RNF4: variants seen among roughly 807,000 people sequenced by gnomAD.
RNF4 encodes the protein E3 ubiquitin-protein ligase RNF4.
Under a neutral mutation model 24.3 loss-of-function variants are expected in RNF4, and 7 were observed. The ratio of observed to expected loss-of-function variants is 0.29; its 90% CI spans 0.16 to 0.54. The LOEUF (loss-of-function observed/expected upper bound fraction) is 0.54. Among genes scored for constraint, RNF4 ranks in the 20% least tolerant of loss-of-function variants. The pLI, the probability that RNF4 is intolerant of heterozygous loss-of-function variation, is 0.95. For missense variants in RNF4, 209 were observed against 248.5 expected (o/e 0.84, Z 1.07); for synonymous variants, 83 against 84.3 (o/e 0.98, Z 0.09).
intron 4 of RNF4, chr4:2,505,151 A>G (rs1736041038): frequency 6.6e-6 from 1 of 152,102 alleles, no homozygotes; most frequent in Non-Finnish European, 1.5e-5. Flanking sequence ...TGTCTTCACC[A>G]CAAAGCTCCC....
intron 2 of RNF4, among the ~76,000 whole-genome samples, chr4:2,495,640 G>GGT (rs1491319459): frequency 5.4e-4 from 14 of 26,004 alleles, no homozygotes; most frequent in Non-Finnish European, 9.1e-4. Flanking sequence ...TTTTTTTTTT[G>GGT]GGGGGGGGTG....
Position 2,513,836 on chromosome 4 carries a change from C to T in RNF4, c.*17C>T, listed in dbSNP as rs760253504. 1 of 1,613,772 alleles carries T rather than the reference C, an allele frequency of 6.2e-7. No homozygotes were observed. Among genetic ancestry groups the T allele is most frequent in the Admixed American group, 1.7e-5 (1 of 60,024 alleles). On this transcript the variant is annotated 3_prime_UTR_variant, in exon 8 of 8. Transcript: ENST00000314289. ...TATATATGAAGTATTCAGAGCCCCC[C>T]AGGAGAGACGGATGGACAGACAGAC...
At chr4:2,491,808 A>G (rs1252457573) in intron 2 of RNF4, among the ~76,000 whole-genome samples, 1 of 152,040 alleles carries the variant, frequency 6.6e-6, no homozygotes, top group Non-Finnish European at 1.5e-5. Flanking sequence ...ATCATAGCTC[A>G]CTGCAGTCTC....
At chr4:2,473,140 G>A (rs1171992887) in intron 1 of RNF4, among the ~76,000 whole-genome samples, 1 of 151,880 alleles carries the variant, frequency 6.6e-6, no homozygotes, top group Non-Finnish European at 1.5e-5. Context: ...CCAGCACTTT[G>A]GGAGGCTGGG....
chr4:2,475,888 A>C (rs1735055961), intron 1 of RNF4, among the ~76,000 whole-genome samples: 1 of 151,310 alleles, frequency 6.6e-6, no homozygotes, highest in Admixed American at 6.6e-5. Context: ...ACTTCACCCC[A>C]CCCCTGACTC....
chr4:2,491,057 G>A (rs181859833), intron 2 of RNF4, among the ~76,000 whole-genome samples: 1 of 152,254 alleles, frequency 6.6e-6, no homozygotes, highest in Admixed American at 6.5e-5. Context: ...ATTTCGGCAG[G>A]ATGACTGAGT....
At chr4:2,503,991 A>C (rs1048746649) in intron 4 of RNF4, among the ~76,000 whole-genome samples, 1 of 152,192 alleles carries the variant, frequency 6.6e-6, no homozygotes, top group African/African-American at 2.4e-5. Flanking sequence ...CTGAGCAAGG[A>C]GGATCACTTG....
chr4:2,484,066 A>C (rs1352239254), intron 1 of RNF4, among the ~76,000 whole-genome samples: 1 of 500 alleles, frequency 2.0e-3, no homozygotes, highest in Non-Finnish European at 4.7e-3. Context: ...GCCTCAGGTG[A>C]TCCCCCCCCG....
intron 1 of RNF4, among the ~76,000 whole-genome samples, chr4:2,474,095 G>T (rs1396386251): frequency 6.6e-6 from 1 of 151,554 alleles, no homozygotes; most frequent in Admixed American, 6.6e-5. Flanking sequence ...AAATAAAAGG[G>T]CCAGGCAAGG....
intron 1 of RNF4, among the ~76,000 whole-genome samples, chr4:2,472,891 T>G (rs932590939): frequency 1.7e-4 from 25 of 150,606 alleles, no homozygotes; most frequent in African/African-American, 5.9e-4. Flanking sequence ...ATACAAAAAA[T>G]TAGCCGGTCT....
At chr4:2,482,692 G>C (rs1028968543) in intron 1 of RNF4, among the ~76,000 whole-genome samples, 1 of 152,152 alleles carries the variant, frequency 6.6e-6, no homozygotes, top group Non-Finnish European at 1.5e-5. Context: ...GGAAGACCTG[G>C]TTACTTGGCA....
intron 1 of RNF4, among the ~76,000 whole-genome samples, chr4:2,482,290 A>G (rs1032208012): frequency 1.3e-5 from 2 of 152,156 alleles, no homozygotes; most frequent in African/African-American, 4.8e-5. Context: ...ACCCCAGCCA[A>G]CCCTGGGTTC....
chr4:2,497,255 C>G (rs1455406286), intron 3 of RNF4, 134 bp downstream of exon 3: 1 of 576,842 alleles, frequency 1.7e-6, no homozygotes, highest in Non-Finnish European at 3.1e-6. Context: ...ATGTACAACT[C>G]AAAGCTTCAC....
At chr4:2,499,582 G>A (rs1434658012) in intron 3 of RNF4, among the ~76,000 whole-genome samples, 3 of 138,872 alleles carry the variant, frequency 2.2e-5, no homozygotes, top group African/African-American at 4.9e-5. Flanking sequence ...GGCCCATTCC[G>A]TGCTTTTTAA....
chr4:2,483,903 G>C (rs1442517494), intron 1 of RNF4, among the ~76,000 whole-genome samples: 4 of 151,504 alleles, frequency 2.6e-5, no homozygotes, highest in Non-Finnish European at 5.9e-5. Context: ...TGCGATCTCG[G>C]CTCACCTCCA....
At chr4:2,478,284 C>T (rs191481612) in intron 1 of RNF4, among the ~76,000 whole-genome samples, 326 of 152,306 alleles carry the variant, frequency 2.1e-3, no homozygotes, top group African/African-American at 7.0e-3. Context: ...TTGCAGCCTC[C>T]TGTCAATGTG....
At chr4:2,496,912 TAATG>T (rs1470595150) in intron 2 of RNF4, 91 bp from the exon 3 acceptor site, 4 of 847,266 alleles carry the variant, frequency 4.7e-6, no homozygotes, top group Non-Finnish European at 7.3e-6. Flanking sequence ...GCTGGCTTCT[TAATG>T]AAGTGAACCA....
intron 4 of RNF4, among the ~76,000 whole-genome samples, chr4:2,509,676 C>A (rs1736210317): frequency 6.6e-6 from 1 of 152,132 alleles, no homozygotes; most frequent in South Asian, 2.1e-4. Context: ...TTGCCAGCAG[C>A]CCCTGGGCTC....
At chr4:2,500,766 G>C in intron 4 of RNF4, 28 bp downstream of exon 4, 3 of 1,609,216 alleles carry the variant, frequency 1.9e-6, no homozygotes, top group Non-Finnish European at 2.5e-6. Context: ...AGAGTCGGCT[G>C]TTTCTTGGGT....
Sources: allele counts gnomAD v4.1 joint callset (sites outside exome capture counted in the v4.1 genomes callset), GRCh38; gene constraint gnomAD v4.1.1; transcripts MANE v1.5; gene names NCBI Gene and HGNC (gene_info 2026-07-23, HGNC 2026-07-21).